CACNA2D3: variants seen among roughly 807,000 people sequenced by gnomAD.
CACNA2D3 encodes voltage-dependent calcium channel subunit alpha-2/delta-3.
A neutral mutation model predicts 160.6 loss-of-function variants in CACNA2D3; 60 were observed. That is an observed-to-expected ratio of 0.37 (90% CI 0.30 to 0.46). CACNA2D3 has a LOEUF of 0.46. Among genes scored for constraint, CACNA2D3 ranks in the 20% least tolerant of loss-of-function variants. The probability of loss-of-function intolerance (pLI) is 1.00; values close to 1 mark genes in which losing one functional copy is unlikely to be tolerated. For synonymous variants in CACNA2D3, 558 were observed against 492.9 expected, an observed-to-expected ratio of 1.13 and a Z score of -1.75; for missense variants, 1,205 against 1,365.0, an observed-to-expected ratio of 0.88 and a Z score of 1.85.
chr3:54,404,521 G>C lies in CACNA2D3; in HGVS notation c.381+17747G>C, dbSNP rs1378294729. On this transcript the variant is annotated intron_variant, in intron 4 of 37. Coordinates refer to ENST00000474759, the MANE Select transcript of CACNA2D3 (RefSeq NM_018398.3). The stretch of plus-strand genomic sequence containing the variant: ...TTCATTTATGAAAAACCGACAGCTG[G>C]CATCATAATCAATGAGGAGAAACTG... Among the ~76,000 whole-genome samples, 30 of 152,224 alleles carry C rather than the reference G, an allele frequency of 2.0e-4. 1 individual carries two copies. In the East Asian group the frequency reaches 4.2e-3, roughly 22 times the overall value.
At chr3:54,293,563 T>TTATATATATATA (rs35283142) in intron 2 of CACNA2D3, among the ~76,000 whole-genome samples, 1,980 of 149,758 alleles carry the variant, frequency 0.013, 17 homozygotes, top group East Asian at 0.026. Context: ...TAATATTCTA[T>TTATATATATATA]TATATATATA....
intron 4 of CACNA2D3, among the ~76,000 whole-genome samples, chr3:54,426,695 C>T (rs1297809454): frequency 6.6e-6 from 1 of 152,208 alleles, no homozygotes; most frequent in Admixed American, 6.5e-5. Flanking sequence ...AGGATAGATG[C>T]TGTGTCTGTC....
intron 3 of CACNA2D3, among the ~76,000 whole-genome samples, chr3:54,381,167 A>G (rs1699096881): frequency 6.6e-6 from 1 of 152,206 alleles, no homozygotes; most frequent in Non-Finnish European, 1.5e-5. Context: ...TTTTAACAGT[A>G]TTTTACAACC....
At chr3:54,361,198 C>T (rs1377626307) in intron 3 of CACNA2D3, among the ~76,000 whole-genome samples, 1 of 151,060 alleles carries the variant, frequency 6.6e-6, no homozygotes, top group African/African-American at 2.4e-5. Context: ...GCAAAGAATT[C>T]CACAGCATAC....
intron 2 of CACNA2D3, among the ~76,000 whole-genome samples, chr3:54,304,539 A>T (rs1236870288): frequency 1.3e-5 from 2 of 152,272 alleles, no homozygotes; most frequent in African/African-American, 4.8e-5. Context: ...ATATAAATTG[A>T]GGAGTAAACT....
intron 5 of CACNA2D3, among the ~76,000 whole-genome samples, chr3:54,549,350 G>T (rs1428067587): frequency 6.6e-6 from 1 of 152,206 alleles, no homozygotes; most frequent in Non-Finnish European, 1.5e-5. Flanking sequence ...GGAGGCTGAG[G>T]CAGGAGAATG....
intron 35 of CACNA2D3, among the ~76,000 whole-genome samples, chr3:55,026,649 T>C (rs1047475255): frequency 2.6e-5 from 4 of 152,042 alleles, no homozygotes; most frequent in Non-Finnish European, 4.4e-5. Context: ...ATGAGAGAAA[T>C]TGTGGTTTGG....
intron 13 of CACNA2D3, among the ~76,000 whole-genome samples, chr3:54,781,681 C>T (rs1158360674): frequency 6.6e-6 from 1 of 152,232 alleles, no homozygotes; most frequent in Non-Finnish European, 1.5e-5. Context: ...TTATTGGCAT[C>T]CTCCAACATT....
At chr3:54,233,441 T>A (rs1701816638) in intron 2 of CACNA2D3, among the ~76,000 whole-genome samples, 1 of 152,140 alleles carries the variant, frequency 6.6e-6, no homozygotes. Context: ...CAGGGACAAT[T>A]CATCCGAAGG....
At chr3:54,551,166 G>A (rs1702150367) in intron 5 of CACNA2D3, among the ~76,000 whole-genome samples, 1 of 152,072 alleles carries the variant, frequency 6.6e-6, no homozygotes, top group Non-Finnish European at 1.5e-5. Context: ...TGCATTCCAG[G>A]CACTTAGACT....
At chr3:54,624,981 T>G (rs1699064898) in intron 9 of CACNA2D3, among the ~76,000 whole-genome samples, 1 of 152,214 alleles carries the variant, frequency 6.6e-6, no homozygotes, top group Non-Finnish European at 1.5e-5. Flanking sequence ...TTCCTTGGAC[T>G]CGGTTAATTG....
intron 5 of CACNA2D3, among the ~76,000 whole-genome samples, chr3:54,538,732 G>T (rs145347968): frequency 2.5e-4 from 38 of 152,282 alleles, no homozygotes; most frequent in African/African-American, 8.2e-4. Context: ...AAGATGCGGA[G>T]AATTATGGGG....
chr3:54,768,939 C>T (rs1702268754), intron 13 of CACNA2D3, among the ~76,000 whole-genome samples: 1 of 152,114 alleles, frequency 6.6e-6, no homozygotes, highest in Non-Finnish European at 1.5e-5. Context: ...TGTTGAGCAA[C>T]CTGTCAGGCC....
In CACNA2D3 at chr3:54,215,010, C is replaced by T. The variant is rs566225326; in HGVS notation, c.204+91416C>T. Among the ~76,000 whole-genome samples the T allele has an allele frequency of 3.3e-5, 5 of 152,242 alleles. No individual in the cohort carries two copies. In the East Asian group the frequency reaches 5.8e-4, roughly 18 times the overall value. On this transcript the variant is annotated intron_variant, in intron 2 of 37. Transcript: ENST00000474759. ...GTCCTCAGATGTGACATCTTCCAGG[C>T]GTCAGTCAGCTGAGATGTGGCTGTG...
At chr3:55,057,012 T>A (rs1186980965) in intron 35 of CACNA2D3, among the ~76,000 whole-genome samples, 1 of 152,182 alleles carries the variant, frequency 6.6e-6, no homozygotes, top group Non-Finnish European at 1.5e-5. Flanking sequence ...TTTGGCTGTG[T>A]CCCTGCCCAA....
intron 5 of CACNA2D3, among the ~76,000 whole-genome samples, chr3:54,532,618 C>CA (rs1363900885): frequency 1.3e-5 from 2 of 152,286 alleles, no homozygotes; most frequent in South Asian, 2.1e-4. Context: ...CATGTTGCTG[C>CA]AAAAGACATG....
intron 4 of CACNA2D3, among the ~76,000 whole-genome samples, chr3:54,469,323 T>C (rs2106869055): frequency 6.6e-6 from 1 of 152,262 alleles, no homozygotes; most frequent in East Asian, 1.9e-4. Flanking sequence ...CCAGCAGACC[T>C]TTTGCAGAGG....
chr3:54,298,281 C>T (rs1227401861), intron 2 of CACNA2D3, among the ~76,000 whole-genome samples: 1 of 152,212 alleles, frequency 6.6e-6, no homozygotes, highest in Admixed American at 6.5e-5. Context: ...ATAATGTGAC[C>T]TGCTTTTACT....
At chr3:54,988,650 T>TTTA (rs1208516023) in intron 31 of CACNA2D3, among the ~76,000 whole-genome samples, 2 of 152,142 alleles carry the variant, frequency 1.3e-5, no homozygotes, top group Non-Finnish European at 2.9e-5. Context: ...AGGCCCCTGG[T>TTTA]TTATTACTCT....
Sources: gnomAD v4.1 joint callset for allele counts (sites outside exome capture counted in the v4.1 genomes callset) on GRCh38, gnomAD v4.1.1 for gene constraint, MANE v1.5 for transcripts, NCBI Gene and HGNC (gene_info 2026-07-23, HGNC 2026-07-21) for gene names.